SLC35D1: variants seen among roughly 807,000 people sequenced by gnomAD.
The protein encoded by SLC35D1 is solute carrier family 35 member D1.
In SLC35D1, 31 loss-of-function variants were observed where a neutral mutation model predicts 46.7. The ratio of observed to expected loss-of-function variants is 0.66; its 90% CI spans 0.50 to 0.90. The LOEUF is 0.90. Among genes scored for constraint, SLC35D1 ranks in the 40% least tolerant of loss-of-function variants. SLC35D1 has a pLI of 0.00. For synonymous variants in SLC35D1, 195 were observed against 164.6 expected (o/e 1.18, Z -1.41); for missense variants, 397 against 426.2 (o/e 0.93, Z 0.60).
downstream of SLC35D1, among the ~76,000 whole-genome samples, chr1:66,996,532 C>G (rs899297978): frequency 2.0e-5 from 3 of 152,176 alleles, no homozygotes; most frequent in African/African-American, 7.2e-5. Flanking sequence ...CCTCTCTGAG[C>G]TTCACCTGTA....
the SLC35D1 span, chr1:66,984,509 A>G: frequency 6.0e-6 from 7 of 1,172,182 alleles, no homozygotes; most frequent in Admixed American, 6.9e-5. Context: ...AAGCTGTTTT[A>G]TAATAGTTTG....
chr1:67,052,007 C>T lies in SLC35D1; in HGVS notation c.392+5G>A. On this transcript the variant is annotated splice_donor_5th_base_variant and intron_variant, in intron 4 of 11. Transcript: ENST00000235345. The stretch of plus-strand genomic sequence containing the variant: ...ACCTCACTAGTAAAATAAAGTTATC[C>T]ATACTTCAGTTTCTTTGTGCTGAAC... 1.3e-6 allele frequency: 2 copies of T among 1,582,460 alleles called. No individual in the cohort carries two copies. The highest frequency in any genetic ancestry group is 4.5e-5 in the East Asian group (2 of 44,600).
Position 67,002,264 on chromosome 1 carries a change from G to T in SLC35D1, c.*2076C>A, listed in dbSNP as rs1056318307. Reference sequence around the variant, plus strand: ...GCCTGGAAGTGGGATAAGGGTTCCAGGACAGGGTAAGCTGTCACTCTTCCT... The same window carrying T: ...GCCTGGAAGTGGGATAAGGGTTCCATGACAGGGTAAGCTGTCACTCTTCCT... On this transcript the variant is annotated 3_prime_UTR_variant, in exon 12 of 12. Coordinates refer to ENST00000235345, the MANE Select transcript of SLC35D1 (RefSeq NM_015139.3). 6.6e-6 allele frequency: 1 copy of T among 152,300 alleles called. No individual in the cohort carries two copies. The highest frequency in any genetic ancestry group is 6.5e-5 in the Admixed American group (1 of 15,272). 9.4% of individuals were successfully genotyped at this position (152,300 alleles called of 1,614,324 possible). A position where few individuals can be genotyped will look rare whatever the true frequency, so the allele number is the denominator to read the frequency against.
At chr1:67,049,650 A>G in intron 6 of SLC35D1, 132 bp downstream of exon 6, 1 of 820,830 alleles carries the variant, frequency 1.2e-6, no homozygotes, top group Non-Finnish European at 2.0e-6. Context: ...TAACCTTTTC[A>G]AGAGTCTTCT....
At chr1:67,045,911 A>T (rs1645246523) in intron 7 of SLC35D1, among the ~76,000 whole-genome samples, 1 of 152,206 alleles carries the variant, frequency 6.6e-6, no homozygotes, top group African/African-American at 2.4e-5. Flanking sequence ...AATGTCATTA[A>T]TAGTATCTAT....
rs7539628 is a variant in SLC35D1 at position 67,042,231 on chromosome 1, C to G, written c.729+5G>C. ...AGCCATTAAACCGTAATTAGAAAGT[C>G]CTACCTTTTGTGCATCTCCTGTGAA... On this transcript the variant is annotated splice_donor_5th_base_variant and intron_variant, in intron 8 of 11. Coordinates refer to ENST00000235345, the MANE Select transcript of SLC35D1 (RefSeq NM_015139.3). 0.012 allele frequency: 19,977 copies of G among 1,612,670 alleles called. 2,096 individuals carry two copies. The African/African-American group carries it at 0.23, about 18-fold the overall frequency.
intron 11 of SLC35D1, among the ~76,000 whole-genome samples, chr1:67,004,737 A>C (rs1265340944): frequency 6.6e-6 from 1 of 152,218 alleles, no homozygotes; most frequent in African/African-American, 2.4e-5. Flanking sequence ...TATGTATATC[A>C]ATATGCACTG....
chr1:66,984,661 A>C, the SLC35D1 span: 1 of 1,614,002 alleles, frequency 6.2e-7, no homozygotes, highest in Admixed American at 1.7e-5. Flanking sequence ...AGGTGGAAAT[A>C]AGAAACCACT....
chr1:67,043,195 C>A (rs1316404996), intron 7 of SLC35D1, among the ~76,000 whole-genome samples: 8 of 142,420 alleles, frequency 5.6e-5, no homozygotes, highest in Admixed American at 7.0e-5. Flanking sequence ...CACTCCATCT[C>A]AAAAAAAAAA....
At chr1:67,031,387 C>T (rs1172542762) in intron 8 of SLC35D1, among the ~76,000 whole-genome samples, 1 of 152,044 alleles carries the variant, frequency 6.6e-6, no homozygotes, top group Non-Finnish European at 1.5e-5. Flanking sequence ...GGAGCCCATT[C>T]TCCCTGCCAT....
the SLC35D1 span, among the ~76,000 whole-genome samples, chr1:66,983,996 A>T: frequency 4.3e-4 from 66 of 152,320 alleles, no homozygotes; most frequent in East Asian, 1.7e-3. Context: ...AGTGCTGGGA[A>T]TACAGGCGTG....
chr1:66,975,946 T>C, the SLC35D1 span, among the ~76,000 whole-genome samples: 8 of 152,252 alleles, frequency 5.3e-5, no homozygotes, highest in African/African-American at 1.9e-4. Context: ...GCAAACTGTT[T>C]ATAACATTTA....
At chr1:66,977,770 C>T in the SLC35D1 span, among the ~76,000 whole-genome samples, 5 of 151,882 alleles carry the variant, frequency 3.3e-5, no homozygotes, top group African/African-American at 4.8e-5. Flanking sequence ...CTTTACAGTG[C>T]TATCCTTAAT....
intron 7 of SLC35D1, among the ~76,000 whole-genome samples, chr1:67,046,850 G>C (rs1230220099): frequency 2.0e-5 from 3 of 152,122 alleles, no homozygotes; most frequent in African/African-American, 7.2e-5. Context: ...TATTTATAGG[G>C]CAAATACATA....
chr1:67,040,330 A>C (rs1293516848), intron 8 of SLC35D1, among the ~76,000 whole-genome samples: 1 of 152,156 alleles, frequency 6.6e-6, no homozygotes. Flanking sequence ...CACTACCTGC[A>C]GAGTAAATGT....
the SLC35D1 span, among the ~76,000 whole-genome samples, chr1:66,993,905 C>T: frequency 2.2e-4 from 33 of 152,316 alleles, 2 homozygotes; most frequent in East Asian, 6.0e-3. Flanking sequence ...ATAAGTTAGT[C>T]ACCTCAAAGA....
the SLC35D1 span, chr1:66,986,187 G>C: frequency 8.1e-7 from 1 of 1,240,740 alleles, no homozygotes; most frequent in Non-Finnish European, 1.0e-6. Flanking sequence ...CAATTTTTCA[G>C]ATTTGATAAT....
intron 7 of SLC35D1, among the ~76,000 whole-genome samples, chr1:67,046,802 G>C (rs1645256668): frequency 6.6e-6 from 1 of 152,164 alleles, no homozygotes; most frequent in Admixed American, 6.5e-5. Context: ...TTGCCCCTAA[G>C]AGAGACAGAG....
chr1:67,035,779 C>T (rs1223224920), intron 8 of SLC35D1, among the ~76,000 whole-genome samples: 1 of 144,280 alleles, frequency 6.9e-6, no homozygotes, highest in East Asian at 2.0e-4. Flanking sequence ...TAAGATGTAT[C>T]ATTAGGTTGT....
Sources: allele counts gnomAD v4.1 joint callset (sites outside exome capture counted in the v4.1 genomes callset), GRCh38; gene constraint gnomAD v4.1.1; transcripts MANE v1.5; gene names NCBI Gene and HGNC (gene_info 2026-07-23, HGNC 2026-07-21).